The following RBCK1 variants were observed in gnomAD, a reference collection of about 807,000 sequenced individuals.
RBCK1 encodes the protein ranBP-type and C3HC4-type zinc finger-containing protein 1.
A neutral mutation model predicts 71.1 loss-of-function variants in RBCK1; 44 were observed. That is an observed-to-expected ratio of 0.62 (90% CI 0.49 to 0.80). The LOEUF (loss-of-function observed/expected upper bound fraction) is 0.80, where lower values mean the gene tolerates loss of function less well. RBCK1 is among the 30% of genes least tolerant of loss of function. The pLI, the probability that RBCK1 is intolerant of heterozygous loss-of-function variation, is 0.00. For missense variants in RBCK1, 569 were observed against 685.0 expected, an observed-to-expected ratio of 0.83 and a Z score of 1.89; for synonymous variants, 306 against 279.7, an observed-to-expected ratio of 1.09 and a Z score of -0.94.
chr20:414,957 T>A (rs1436558643), intron 2 of RBCK1, among the ~76,000 whole-genome samples: 1 of 152,232 alleles, frequency 6.6e-6, no homozygotes, highest in Non-Finnish European at 1.5e-5. Context: ...CTCTGTCAAT[T>A]CATTGATAGT....
At chr20:419,825 G>T in intron 6 of RBCK1, 94 bp downstream of exon 6, 3 of 1,460,780 alleles carry the variant, frequency 2.1e-6, no homozygotes, top group Non-Finnish European at 9.0e-7. Context: ...GCGCCTCTCC[G>T]TTACTGCCTT....
chr20:419,494 C>A (rs2122243612), intron 5 of RBCK1, 26 bp downstream of exon 5: 1 of 1,603,038 alleles, frequency 6.2e-7, no homozygotes, highest in East Asian at 2.2e-5. Context: ...CCTCAGTATC[C>A]TCTTCTGTGC....
At chr20:421,093 C>T in intron 7 of RBCK1, 62 bp downstream of exon 7, 10 of 1,471,034 alleles carry the variant, frequency 6.8e-6, no homozygotes, top group Non-Finnish European at 9.0e-6. Context: ...TTACGCAGGG[C>T]TGGACGTGGG....
Position 419,429 on chromosome 20 carries a change from C to A in RBCK1, c.543C>A (p.Pro181=). 6.2e-7 allele frequency: 1 copy of A among 1,606,234 alleles called. No homozygotes were observed. The highest frequency in any genetic ancestry group is 8.5e-7 in the Non-Finnish European group (1 of 1,176,920). ...GPPKPGVPQE[P]GRGQPDAVPE... ...CAAAGCCCGGGGTCCCCCAGGAACC[C>A]GGACGGGGGCAGCCAGATGCAGTGC... Residue 181 remains proline (P), a synonymous_variant, in exon 5 of 12, where the codon CCC becomes CCA. Transcript: ENST00000356286.
chr20:417,555 T>G lies in RBCK1; in HGVS notation c.197T>G (p.Met66Arg), dbSNP rs750138837. Residue 66 changes from methionine to arginine, a missense_variant, in exon 3 of 12, where the codon ATG becomes AGG. Physicochemically the swap from Met to Arg is moderately conservative, Grantham distance 91. This residue lies in a region of RBCK1 where 358 missense variants were observed against 375.6 expected (regional missense o/e 0.95). Coordinates refer to ENST00000356286, the MANE Select transcript of RBCK1 (RefSeq NM_031229.4). The surrounding 1 kb of genome is among the most constrained non-coding windows in gnomAD (Gnocchi z 4.7). ...RLWVSVEDAQ[M>R]HTVTIWLTVR... The stretch of plus-strand genomic sequence containing the variant: ...TGGGTGAGCGTGGAGGATGCTCAGA[T>G]GCACACCGTCACCATCTGGCTCACA... The G allele has an allele frequency of 1.2e-6, 2 of 1,613,916 alleles. No individual in the cohort carries two copies. The highest frequency in any genetic ancestry group is 1.7e-6 in the Non-Finnish European group (2 of 1,180,022).
chr20:429,392 AGTTT>A (rs1308819090), intron 11 of RBCK1, among the ~76,000 whole-genome samples: 1 of 151,956 alleles, frequency 6.6e-6, no homozygotes, highest in African/African-American at 2.4e-5. Flanking sequence ...ACGCCCGGCT[AGTTT>A]TGTATTTTTA....
chr20:408,803 G>C (rs750989488), intron 1 of RBCK1, 24 bp downstream of exon 1: 13 of 1,605,942 alleles, frequency 8.1e-6, no homozygotes, highest in Admixed American at 5.1e-5. Flanking sequence ...GGAGGTGGCT[G>C]GGGAACTTCC....
intron 2 of RBCK1, among the ~76,000 whole-genome samples, chr20:412,878 A>G (rs958093859): frequency 6.6e-6 from 1 of 152,224 alleles, no homozygotes. Flanking sequence ...AAGGTCATGA[A>G]GATTTACCTC....
At chr20:411,850 G>A (rs2015729097) in intron 2 of RBCK1, among the ~76,000 whole-genome samples, 1 of 152,158 alleles carries the variant, frequency 6.6e-6, no homozygotes, top group African/African-American at 2.4e-5. Context: ...ATAATCTATT[G>A]TATAGACATA....
chr20:430,586 T>C lies in RBCK1; in HGVS notation c.*156T>C. 3 of 717,114 alleles carry C rather than the reference T, an allele frequency of 4.2e-6. No individual in the cohort carries two copies. In the South Asian group the frequency reaches 5.2e-5, roughly 12 times the overall value. 44.4% of individuals were successfully genotyped at this position (717,114 alleles called of 1,614,324 possible). ...CACGGTCACATCTGCCCCAGTGCCT[T>C]TGTCCTTCCCTTGGGGCTTGCCGGC... On this transcript the variant is annotated 3_prime_UTR_variant, in exon 12 of 12. Transcript: ENST00000356286. The surrounding 1 kb of genome is among the most constrained non-coding windows in gnomAD (Gnocchi z 5.6).
rs762880682 is a variant in RBCK1, at chr20:417,726, C to T, written c.262-6C>T. On this transcript the variant is annotated splice_polypyrimidine_tract_variant and splice_region_variant and intron_variant, in intron 3 of 11. Transcript: ENST00000356286. The surrounding 1 kb of genome is among the most constrained non-coding windows in gnomAD (Gnocchi z 4.7). ...TTCCCACTCTCCCTCTCTTTGCCCC[C>T]ACCAGGTTTTTCTGGACTATGGCTT... 3 of 1,611,250 alleles carry T rather than the reference C, an allele frequency of 1.9e-6. No individual in the cohort carries two copies. Among genetic ancestry groups the T allele is most frequent in the Admixed American group, 1.7e-5 (1 of 59,988 alleles).
In RBCK1 at chr20:408,656, TG is replaced by T; in HGVS notation, c.-100del. On this transcript the variant is annotated 5_prime_UTR_variant, in exon 1 of 12. It removes the in-frame stop codon of an upstream open reading frame in the 5' UTR. Transcript: ENST00000356286. Reference sequence around the variant, plus strand: ...GGGCCGCGCCGGAGGCCACACGGCCTGGCTGAGTTGCTCCTGGTCTCCCGCC... The same window carrying T: ...GGGCCGCGCCGGAGGCCACACGGCCTGCTGAGTTGCTCCTGGTCTCCCGCC... The T allele has an allele frequency of 6.6e-7, 1 of 1,508,094 alleles. No homozygotes were observed. Among genetic ancestry groups the T allele is most frequent in the Non-Finnish European group, 9.0e-7 (1 of 1,105,852 alleles). The allele number at this position is 1,508,094 out of a possible 1,614,324, so 93.4% of individuals were successfully genotyped here. A position where few individuals can be genotyped will look rare whatever the true frequency, so the allele number is the denominator to read the frequency against.
At chr20:419,307 G>C (rs1600291985) in intron 4 of RBCK1, 40 bp from the exon 5 acceptor site, 1 of 1,610,478 alleles carries the variant, frequency 6.2e-7, no homozygotes, top group East Asian at 2.2e-5. Context: ...TGGACCAAGT[G>C]GGCCGCGTGG....
Position 432,058 on chromosome 20 carries a change from A to C in RBCK1, c.*1628A>C, listed in dbSNP as rs1568570920. Among the ~76,000 whole-genome samples, 1 of 152,130 alleles carries C rather than the reference A, an allele frequency of 6.6e-6. No homozygotes were observed. Among genetic ancestry groups the C allele is most frequent in the Non-Finnish European group, 1.5e-5 (1 of 68,036 alleles). On this transcript the variant is annotated 3_prime_UTR_variant, in exon 12 of 12. Coordinates refer to ENST00000356286, the MANE Select transcript of RBCK1 (RefSeq NM_031229.4). The surrounding 1 kb of genome is among the most constrained non-coding windows in gnomAD (Gnocchi z 4.3). ...CCAGTCCACCCAGTGTTGTTTTAGA[A>C]ATTTAAATCGGTTGCCCATCTTTTT...
In RBCK1 at chr20:430,330, C is replaced by G; in HGVS notation, c.1453-20C>G. 2 of 1,585,120 alleles carry G rather than the reference C, an allele frequency of 1.3e-6. No homozygotes were observed. The highest frequency in any genetic ancestry group is 1.7e-6 in the Non-Finnish European group (2 of 1,154,002). ...CTCTGCACTGCGCTGACATTCTCTT[C>G]TCTTCCTCCCATCCTCTAGGGCCCA... On this transcript the variant is annotated intron_variant, in intron 11 of 11. Transcript: ENST00000356286. This position sits in a 1 kb window ranked among gnomAD's most constrained non-coding sequence, Gnocchi z 5.6.
intron 9 of RBCK1, 122 bp downstream of exon 9, chr20:427,614 G>T (rs1042245563): frequency 4.6e-6 from 5 of 1,078,594 alleles, no homozygotes; most frequent in Non-Finnish European, 6.7e-6. Flanking sequence ...ATGACTTAGA[G>T]CTACATGTCA....
chr20:417,908 G>A lies in RBCK1; in HGVS notation c.438G>A (p.Glu146=), dbSNP rs1439349315. ...TSLNPQELQR[E]RQLRMLEDLG... Reference sequence around the variant, plus strand: ...TCAACCCTCAGGAGCTGCAGCGGGAGCGGCAGCTGCGGATGCTGGAAGGTG... The same window carrying A: ...TCAACCCTCAGGAGCTGCAGCGGGAACGGCAGCTGCGGATGCTGGAAGGTG... The change falls in exon 4 of 12, where the codon GAG becomes GAA. Residue 146 remains glutamate (E), a synonymous_variant. Transcript: ENST00000356286. The surrounding 1 kb of genome is among the most constrained non-coding windows in gnomAD (Gnocchi z 4.7). The A allele has an allele frequency of 6.2e-7, 1 of 1,608,988 alleles. No individual in the cohort carries two copies. Among genetic ancestry groups the A allele is most frequent in the African/African-American group, 1.3e-5 (1 of 74,942 alleles).
At chr20:419,985 C>T (rs2016286232) in intron 6 of RBCK1, 9 of 985,268 alleles carry the variant, frequency 9.1e-6, no homozygotes, top group Non-Finnish European at 1.1e-5. Context: ...CCCACTCCCA[C>T]GTGGGCTGTG....
rs200757913 is a variant in RBCK1, at chr20:409,908, G to A, written c.50G>A (p.Arg17Gln). 70 of 1,613,970 alleles carry A rather than the reference G, an allele frequency of 4.3e-5. No individual in the cohort carries two copies. Among genetic ancestry groups the A allele is most frequent in the Middle Eastern group, 3.3e-4 (2 of 6,080 alleles). Residue 17 changes from arginine (R) to glutamine (Q), a missense_variant, in exon 2 of 12, where the codon CGA becomes CAA. Arg to Gln is a conservative substitution (Grantham distance 43, BLOSUM62 1). Around this residue, in one of 2 missense-constraint regions of RBCK1, gnomAD observed 358 missense variants for 375.6 expected, o/e 0.95. Transcript: ENST00000356286. Reference protein sequence around the residue: ...KAEEMALSLTRAVAGGDEQVA... With the variant: ...KAEEMALSLTQAVAGGDEQVA... ...GAGGAAATGGCCCTGAGCCTCACCC[G>A]AGCAGTGGCGGGCGGGGATGAACAG...
Sources: gnomAD v4.1 joint callset for allele counts (sites outside exome capture counted in the v4.1 genomes callset) on GRCh38, gnomAD v4.1.1 for gene constraint, gnomAD v4.1.1 regional missense constraint, Gnocchi (gnomAD v3.1) non-coding constraint, MANE v1.5 for transcripts, NCBI Gene and HGNC (gene_info 2026-07-23, HGNC 2026-07-21) for gene names.